The following DCTD variants were observed in gnomAD, a reference collection of about 807,000 sequenced individuals.
The protein encoded by DCTD is dCMP deaminase.
A neutral mutation model predicts 21.0 loss-of-function variants in DCTD; 23 were observed. The observed-to-expected ratio is 1.09, with a 90% CI of 0.79 to 1.55. The LOEUF (loss-of-function observed/expected upper bound fraction) is 1.55. Among genes scored for constraint, DCTD ranks in the 40% most tolerant of loss-of-function variants. The probability of loss-of-function intolerance (pLI) is 0.00; values close to 1 mark genes in which losing one functional copy is unlikely to be tolerated. For synonymous variants in DCTD, 71 were observed against 81.1 expected, an observed-to-expected ratio of 0.88 and a Z score of 0.67; for missense variants, 224 against 230.0, an observed-to-expected ratio of 0.97 and a Z score of 0.17.
At chr4:182,909,782 G>A (rs1033686107) in intron 3 of DCTD, among the ~76,000 whole-genome samples, 6 of 152,184 alleles carry the variant, frequency 3.9e-5, no homozygotes, top group Non-Finnish European at 7.3e-5. Flanking sequence ...GAAAATGTCA[G>A]TGTTCAAGGG....
intron 1 of DCTD, chr4:182,915,804 G>A (rs1406754678): frequency 4.7e-6 from 5 of 1,060,870 alleles, no homozygotes; most frequent in East Asian, 3.6e-5. Context: ...ATAGCTTCAC[G>A]TTCCCAAATA....
rs757869621 is a variant in DCTD at position 182,915,538 on chromosome 4, C to G, written c.31G>C (p.Asp11His). 10 of 1,613,636 alleles carry G rather than the reference C, an allele frequency of 6.2e-6. No homozygotes were observed. In the East Asian group the frequency reaches 6.7e-5, roughly 11 times the overall value. Residue 11 changes from aspartate to histidine, a missense_variant, in exon 2 of 6, where the codon GAC becomes CAC. Coordinates refer to ENST00000438320, the MANE Select transcript of DCTD (RefSeq NM_001921.3). ...AAATACTCTGGCCATTCCAAATAGT[C>G]GTCCCGTTTCTTGCAGGAAACTTCA... MSEVSCKKRD[D>H]YLEWPEYFMA...
At chr4:182,901,882 C>A (rs1735812814) in intron 3 of DCTD, among the ~76,000 whole-genome samples, 1 of 151,716 alleles carries the variant, frequency 6.6e-6, no homozygotes, top group African/African-American at 2.4e-5. Flanking sequence ...AGTGCTTTTA[C>A]TTCTGGGGTC....
chr4:182,915,639 T>A, intron 1 of DCTD, 64 bp from the exon 2 acceptor site: 1 of 1,122,944 alleles, frequency 8.9e-7, no homozygotes, highest in Non-Finnish European at 1.4e-6. Context: ...GTTTTCCAGT[T>A]CAACCCAACC....
At chr4:182,915,917 G>A (rs1426170444) in intron 1 of DCTD, 13 of 1,072,408 alleles carry the variant, frequency 1.2e-5, no homozygotes, top group Non-Finnish European at 1.4e-5. Context: ...CACAGGAGGA[G>A]GGTGGAAAAA....
intron 3 of DCTD, among the ~76,000 whole-genome samples, chr4:182,904,734 C>A (rs368970921): frequency 2.3e-4 from 34 of 150,724 alleles, no homozygotes; most frequent in African/African-American, 8.2e-4. Flanking sequence ...GCTCCAACTC[C>A]CAGCTCTCTC....
chr4:182,892,526 G>C (rs1177992844), intron 5 of DCTD, among the ~76,000 whole-genome samples: 1 of 152,138 alleles, frequency 6.6e-6, no homozygotes, highest in African/African-American at 2.4e-5. Flanking sequence ...TGGCAGGGGA[G>C]GCTGAGGCAG....
intron 2 of DCTD, 56 bp downstream of exon 2, chr4:182,915,405 T>A: frequency 1.7e-6 from 2 of 1,157,348 alleles, no homozygotes. Context: ...TCTGCTCATG[T>A]GCAGTAATCT....
At position 182,893,162 on chromosome 4, in the gene DCTD, G is replaced by A. The variant is rs375602499; in HGVS notation, c.362-35C>T. 376 of 1,258,726 alleles carry A rather than the reference G, an allele frequency of 3.0e-4. 1 individual carries two copies. The highest frequency in any genetic ancestry group is 2.1e-3 in the South Asian group (174 of 81,726). 78.0% of individuals were successfully genotyped at this position (1,258,726 alleles called of 1,614,324 possible). A position where few individuals can be genotyped will look rare whatever the true frequency, so the allele number is the denominator to read the frequency against. On this transcript the variant is annotated intron_variant, in intron 4 of 5. Transcript: ENST00000438320. ...AACAATGGGAGCTCCCTTAGTGTAC[G>A]CACCTACAGATGCTGCAAAAGACAG...
chr4:182,912,676 C>G (rs116602679), intron 3 of DCTD, among the ~76,000 whole-genome samples: 1,705 of 152,314 alleles, frequency 0.011, 23 homozygotes, highest in African/African-American at 0.039. Flanking sequence ...AAGGCAGTGT[C>G]TCATAACCAA....
intron 5 of DCTD, among the ~76,000 whole-genome samples, chr4:182,892,065 T>C (rs1399613629): frequency 6.6e-6 from 1 of 151,196 alleles, no homozygotes; most frequent in Non-Finnish European, 1.5e-5. Flanking sequence ...TAAGAATCAC[T>C]GAACAAGAGA....
At position 182,917,107 on chromosome 4, in the gene DCTD, G is replaced by A; in HGVS notation, c.-8+204C>T. ...GGCGCCCGCCGAGAAATCGACCCTG[G>A]AGTGACTGCGGGGACCCCGAGCGCC... On this transcript the variant is annotated intron_variant, in intron 1 of 5. Coordinates refer to ENST00000438320, the MANE Select transcript of DCTD (RefSeq NM_001921.3). This position sits in a 1 kb window ranked among gnomAD's most constrained non-coding sequence, Gnocchi z 4.9. 1.0e-6 allele frequency: 1 copy of A among 987,682 alleles called. No homozygotes were observed. The highest frequency in any genetic ancestry group is 1.7e-5 in the African/African-American group (1 of 57,358). 61.2% of individuals were successfully genotyped at this position (987,682 alleles called of 1,614,324 possible). A position where few individuals can be genotyped will look rare whatever the true frequency, so the allele number is the denominator to read the frequency against.
chr4:182,906,435 C>A (rs536726405), intron 3 of DCTD, among the ~76,000 whole-genome samples: 8 of 152,124 alleles, frequency 5.3e-5, no homozygotes, highest in Non-Finnish European at 7.3e-5. Context: ...GCAGAGTGCC[C>A]GGCATGTAAA....
At chr4:182,908,353 CT>C in intron 3 of DCTD, among the ~76,000 whole-genome samples, 1 of 152,082 alleles carries the variant, frequency 6.6e-6, no homozygotes, top group East Asian at 1.9e-4. Context: ...ACAGCAATCC[CT>C]GTGTTTCTAA....
intron 3 of DCTD, among the ~76,000 whole-genome samples, chr4:182,914,702 C>A (rs1218716185): frequency 1.3e-5 from 2 of 152,238 alleles, no homozygotes; most frequent in Non-Finnish European, 2.9e-5. Flanking sequence ...CAGCAGAGCC[C>A]TGGATCTCAG....
At chr4:182,915,918 G>T in intron 1 of DCTD, 1 of 1,067,444 alleles carries the variant, frequency 9.4e-7, no homozygotes, top group Non-Finnish European at 1.1e-6. Context: ...ACAGGAGGAG[G>T]GTGGAAAAAA....
intron 3 of DCTD, among the ~76,000 whole-genome samples, chr4:182,898,712 T>G (rs1579689939): frequency 6.6e-6 from 1 of 152,346 alleles, no homozygotes; most frequent in East Asian, 1.9e-4. Context: ...AGAGAGGTCA[T>G]CTTGTCAGCC....
rs765732784 is a variant in DCTD at position 182,915,535 on chromosome 4, A to G, written c.34T>C (p.Tyr12His). The G allele has an allele frequency of 6.2e-7, 1 of 1,613,840 alleles. No homozygotes were observed. Among genetic ancestry groups the G allele is most frequent in the Non-Finnish European group, 8.5e-7 (1 of 1,179,690 alleles). The change falls in exon 2 of 6, where the codon TAT (tyrosine) becomes CAT (histidine). Residue 12 changes from tyrosine to histidine, a missense_variant. Transcript: ENST00000438320. The stretch of plus-strand genomic sequence containing the variant: ...ATAAAATACTCTGGCCATTCCAAAT[A>G]GTCGTCCCGTTTCTTGCAGGAAACT... ...SEVSCKKRDD[Y>H]LEWPEYFMAV...
intron 3 of DCTD, among the ~76,000 whole-genome samples, chr4:182,896,843 T>A (rs1734819931): frequency 6.6e-6 from 1 of 152,160 alleles, no homozygotes; most frequent in South Asian, 2.1e-4. Flanking sequence ...ACATAATGGG[T>A]GTTAAATATT....
Sources: allele counts gnomAD v4.1 joint callset (sites outside exome capture counted in the v4.1 genomes callset), GRCh38; gene constraint gnomAD v4.1.1; non-coding constraint Gnocchi (gnomAD v3.1); transcripts MANE v1.5; gene names NCBI Gene and HGNC (gene_info 2026-07-23, HGNC 2026-07-21).